The following DNAH1 variants were observed in gnomAD, a reference collection of about 807,000 sequenced individuals.
DNAH1 encodes dynein axonemal heavy chain 1.
DNAH1 carries 327 observed loss-of-function variants against 484.3 expected under a neutral mutation model. The ratio of observed to expected loss-of-function variants is 0.68; its 90% CI spans 0.62 to 0.74. DNAH1 has a LOEUF of 0.74. DNAH1 is among the 30% of genes least tolerant of loss of function. The pLI is 0.00. For synonymous variants in DNAH1, 2,192 were observed against 2,191.9 expected (o/e 1.00, Z 0.00); for missense variants, 5,052 against 5,546.8 (o/e 0.91, Z 2.83).
Position 52,386,324 on chromosome 3 carries a change from C to G in DNAH1, c.8790C>G (p.Leu2930=). ...CGGCTCTGGCCAGCCTGCGCAACCT[C>G]AACAAGAACGATGTGACCGAGGTGG... ...LDAALASLRN[L]NKNDVTEVRA... is the part of the protein sequence containing the mutation. The change falls in exon 55 of 78, where the codon CTC becomes CTG. Residue 2930 remains leucine, a synonymous_variant. Coordinates refer to ENST00000420323, the MANE Select transcript of DNAH1 (RefSeq NM_015512.5). The G allele has an allele frequency of 6.3e-7, 1 of 1,587,750 alleles. No individual in the cohort carries two copies. The highest frequency in any genetic ancestry group is 1.7e-4 in the Middle Eastern group (1 of 6,002).
chr3:52,377,081 C>T (rs560388105), intron 46 of DNAH1, among the ~76,000 whole-genome samples: 1 of 152,188 alleles, frequency 6.6e-6, no homozygotes, highest in Non-Finnish European at 1.5e-5. Context: ...CATCTTTGTG[C>T]TGGCAACTCC....
In DNAH1 at chr3:52,385,362, C is replaced by T; in HGVS notation, c.8540C>T (p.Ala2847Val). The change falls in exon 54 of 78, where the codon GCC becomes GTC. Residue 2847 changes from alanine to valine, a missense_variant. By Grantham distance (64) the Ala-to-Val change is moderately conservative. Transcript: ENST00000420323. The part of the protein sequence containing the change: ...DKLLRTSEDV[A>V]KMQEDLESMH... ...CTGCTGCGCACTTCTGAGGATGTAG[C>T]CAAGATGCAGGAGGACCTGGAGAGT... 1 of 1,552,644 alleles carries T rather than the reference C, an allele frequency of 6.4e-7. No homozygotes were observed. Among genetic ancestry groups the T allele is most frequent in the Non-Finnish European group, 8.7e-7 (1 of 1,147,510 alleles).
chr3:52,345,774 G>A (rs1702118210), intron 10 of DNAH1, 68 bp downstream of exon 10: 45 of 1,509,844 alleles, frequency 3.0e-5, no homozygotes, highest in Non-Finnish European at 4.0e-5. Flanking sequence ...GGCACAGGTC[G>A]GGGCTGCAGC....
intron 44 of DNAH1, 83 bp from the exon 45 acceptor site, chr3:52,375,157 G>A: frequency 6.9e-7 from 1 of 1,440,526 alleles, no homozygotes; most frequent in Non-Finnish European, 9.3e-7. Flanking sequence ...GTATAATTTT[G>A]AATTTTTGTA....
chr3:52,392,752 C>A lies in DNAH1; in HGVS notation c.10278+63C>A, dbSNP rs1245204796. 7 of 1,557,902 alleles carry A rather than the reference C, an allele frequency of 4.5e-6. No homozygotes were observed. The Admixed American group carries it at 1.2e-4, about 28-fold the overall frequency. On this transcript the variant is annotated intron_variant, in intron 64 of 77. Coordinates refer to ENST00000420323, the MANE Select transcript of DNAH1 (RefSeq NM_015512.5). Reference sequence around the variant, plus strand: ...GCCCCGGGCCTGCCCCCCACCTCTCCCTGCCTGCCCTAGGCCTGCCCCCCA... The same window carrying A: ...GCCCCGGGCCTGCCCCCCACCTCTCACTGCCTGCCCTAGGCCTGCCCCCCA...
At position 52,361,016 on chromosome 3, in the gene DNAH1, C is replaced by G. The variant is rs148674086; in HGVS notation, c.4686-148C>G. The G allele has an allele frequency of 1.6e-5, 11 of 691,208 alleles. No individual in the cohort carries two copies. The African/African-American group carries it at 2.0e-4, about 13-fold the overall frequency. The allele number at this position is 691,208 out of a possible 1,614,324, so 42.8% of individuals were successfully genotyped here. A position where few individuals can be genotyped will look rare whatever the true frequency, so the allele number is the denominator to read the frequency against. ...CGCGCTGGGCAGGTGTCCACAGGCT[C>G]CAGTCCTGACCCCGGAGCCAGGGCT... On this transcript the variant is annotated intron_variant, in intron 28 of 77. Coordinates refer to ENST00000420323, the MANE Select transcript of DNAH1 (RefSeq NM_015512.5). This position sits in a 1 kb window ranked among gnomAD's most constrained non-coding sequence, Gnocchi z 5.6.
At chr3:52,397,615 G>A (rs1704692463) in intron 73 of DNAH1, 92 bp from the exon 74 acceptor site, 1 of 1,217,896 alleles carries the variant, frequency 8.2e-7, no homozygotes, top group Non-Finnish European at 1.1e-6. Flanking sequence ...AGTGGGGAAT[G>A]TGACAAGTGG....
rs996331527 is a variant in DNAH1 at position 52,372,774 on chromosome 3, A to G, written c.6828-122A>G. Reference sequence around the variant, plus strand: ...TGAGGGTGGGTCAAGGCATCTAGCAATTTGGAGGAGGCTAAAATTTAGCAA... The same window carrying G: ...TGAGGGTGGGTCAAGGCATCTAGCAGTTTGGAGGAGGCTAAAATTTAGCAA... On this transcript the variant is annotated intron_variant, in intron 43 of 77. Coordinates refer to ENST00000420323, the MANE Select transcript of DNAH1 (RefSeq NM_015512.5). 8.2e-6 allele frequency: 11 copies of G among 1,344,998 alleles called. No individual in the cohort carries two copies. The Admixed American group carries it at 1.2e-4, about 14-fold the overall frequency. The allele number at this position is 1,344,998 out of a possible 1,614,324, so 83.3% of individuals were successfully genotyped here.
Position 52,388,548 on chromosome 3 carries a change from A to G in DNAH1, c.9302A>G (p.Lys3101Arg), listed in dbSNP as rs199884450. 637 of 1,613,134 alleles carry G rather than the reference A, an allele frequency of 3.9e-4. No homozygotes were observed. The highest frequency in any genetic ancestry group is 5.2e-4 in the Non-Finnish European group (617 of 1,179,624). Residue 3101 changes from lysine to arginine, a missense_variant, in exon 58 of 78, where the codon AAG (lysine) becomes AGG (arginine). Lys to Arg is a conservative substitution (Grantham distance 26). Transcript: ENST00000420323. ...MQAKYRECITKKEELELKCEQ... is the reference protein window; with the variant it reads ...MQAKYRECITRKEELELKCEQ... ...GCTAAGTACCGGGAATGCATTACCA[A>G]GAAGGAGGAGCTGGAGCTGAAGTGT...
intron 46 of DNAH1, among the ~76,000 whole-genome samples, chr3:52,377,225 C>G (rs1703643497): frequency 6.6e-6 from 1 of 152,104 alleles, no homozygotes; most frequent in African/African-American, 2.4e-5. Context: ...CGCACTCTTC[C>G]CATCTCAGGC....
At chr3:52,357,853 A>C (rs1578135636) in intron 23 of DNAH1, 45 bp from the exon 24 acceptor site, 1 of 1,594,138 alleles carries the variant, frequency 6.3e-7, no homozygotes, top group Non-Finnish European at 8.6e-7. Context: ...GCTGGGGCCC[A>C]GGGAGCCTGC....
rs182141515 is a variant in DNAH1 at position 52,386,299 on chromosome 3, C to G, written c.8765C>G (p.Ala2922Gly). Residue 2922 changes from alanine (A) to glycine (G), a missense_variant, in exon 55 of 78, where the codon GCG (alanine) becomes GGG (glycine). Physicochemically the swap from Ala to Gly is moderately conservative, Grantham distance 60. Coordinates refer to ENST00000420323, the MANE Select transcript of DNAH1 (RefSeq NM_015512.5). ...DLDEALPALD[A>G]ALASLRNLNK... Reference sequence around the variant, plus strand: ...GACGAGGCGTTGCCAGCCCTGGATGCGGCTCTGGCCAGCCTGCGCAACCTC... The same window carrying G: ...GACGAGGCGTTGCCAGCCCTGGATGGGGCTCTGGCCAGCCTGCGCAACCTC... 6.2e-7 allele frequency: 1 copy of G among 1,601,896 alleles called. No homozygotes were observed. Among genetic ancestry groups the G allele is most frequent in the Non-Finnish European group, 8.5e-7 (1 of 1,174,618 alleles).
At position 52,316,555 on chromosome 3, in the gene DNAH1, A is replaced by G. The variant is rs1700958060; in HGVS notation, c.-35+10A>G. 1 of 152,280 alleles carries G rather than the reference A, an allele frequency of 6.6e-6. No homozygotes were observed. The highest frequency in any genetic ancestry group is 2.4e-5 in the African/African-American group (1 of 41,476). 9.4% of individuals were successfully genotyped at this position (152,280 alleles called of 1,614,324 possible). A position where few individuals can be genotyped will look rare whatever the true frequency, so the allele number is the denominator to read the frequency against. ...CATCAGGTCTTGAAGGGTGAGTAGG[A>G]GTCCGCCAGATGCAGGAGTGGATGG... On this transcript the variant is annotated intron_variant, in intron 1 of 77. Coordinates refer to ENST00000420323, the MANE Select transcript of DNAH1 (RefSeq NM_015512.5).
intron 72 of DNAH1, 25 bp from the exon 73 acceptor site, chr3:52,396,843 G>A (rs1704653547): frequency 1.9e-6 from 3 of 1,612,258 alleles, no homozygotes; most frequent in Non-Finnish European, 2.5e-6. Flanking sequence ...GCACTTAGGG[G>A]AGCCCTCACC....
At position 52,349,419 on chromosome 3, in the gene DNAH1, G is replaced by A. The variant is rs1412043013; in HGVS notation, c.2525G>A (p.Ser842Asn). ...AAGAACCTGCATAAGGAGGTGGATAGCGTAAGTGCCCACCTGCCCCGCCTC... is the reference window on the plus strand; with the variant it reads ...AAGAACCTGCATAAGGAGGTGGATAACGTAAGTGCCCACCTGCCCCGCCTC... ...LAKNLHKEVD[S>N]ICEEFRSISR... Residue 842 changes from serine (S) to asparagine (N), a missense_variant and splice_region_variant, in exon 14 of 78, where the codon AGC becomes AAC. Transcript: ENST00000420323. 2 of 1,613,504 alleles carry A rather than the reference G, an allele frequency of 1.2e-6. No homozygotes were observed. The highest frequency in any genetic ancestry group is 1.7e-5 in the Admixed American group (1 of 60,028).
intron 71 of DNAH1, 40 bp downstream of exon 71, chr3:52,396,578 G>C: frequency 6.2e-7 from 1 of 1,610,656 alleles, no homozygotes; most frequent in East Asian, 2.2e-5. Flanking sequence ...ACCTGCCCCC[G>C]TCCCCGCTCC....
chr3:52,371,952 T>G lies in DNAH1; in HGVS notation c.6532T>G (p.Trp2178Gly). The change falls in exon 42 of 78, where the codon TGG becomes GGG. Residue 2178 changes from tryptophan (W) to glycine (G), a missense_variant. Around this residue, in one of 4 missense-constraint regions of DNAH1, gnomAD observed 2,929 missense variants for 3,409.4 expected, o/e 0.86. Transcript: ENST00000420323. ...DEEEEYKQVA[W>G]VKWMDSSAPF... Reference sequence around the variant, plus strand: ...GAGCCACCTATGATTCCAGGTTGCCTGGGTGAAGTGGATGGACTCCTCAGC... The same window carrying G: ...GAGCCACCTATGATTCCAGGTTGCCGGGGTGAAGTGGATGGACTCCTCAGC... 1 of 1,613,480 alleles carries G rather than the reference T, an allele frequency of 6.2e-7. No individual in the cohort carries two copies. Among genetic ancestry groups the G allele is most frequent in the Admixed American group, 1.7e-5 (1 of 59,994 alleles).
At chr3:52,319,861 C>T (rs900573872) in intron 1 of DNAH1, among the ~76,000 whole-genome samples, 4 of 152,168 alleles carry the variant, frequency 2.6e-5, no homozygotes, top group South Asian at 2.1e-4. Context: ...ACTCTCACAC[C>T]TTCTTTGGGA....
At position 52,339,654 on chromosome 3, in the gene DNAH1, T is replaced by C. The variant is rs1056857151; in HGVS notation, c.1287-4836T>C. Among the ~76,000 whole-genome samples, 5 of 152,334 alleles carry C rather than the reference T, an allele frequency of 3.3e-5. No homozygotes were observed. The East Asian group carries it at 9.7e-4, about 29-fold the overall frequency. On this transcript the variant is annotated intron_variant, in intron 8 of 77. Transcript: ENST00000420323. ...AAGCTAAAAGATGCTCTCTTTTTCT[T>C]ATAGAAGCAAATGTAGACGGTGTTC...
Sources: allele counts gnomAD v4.1 joint callset (sites outside exome capture counted in the v4.1 genomes callset), GRCh38; gene constraint gnomAD v4.1.1; regional missense constraint gnomAD v4.1.1; non-coding constraint Gnocchi (gnomAD v3.1); transcripts MANE v1.5; gene names NCBI Gene and HGNC (gene_info 2026-07-23, HGNC 2026-07-21).